The following TRABD2B variants were observed in gnomAD, a reference collection of about 807,000 sequenced individuals.
TRABD2B encodes metalloprotease TIKI2.
A neutral mutation model predicts 40.1 loss-of-function variants in TRABD2B; 14 were observed. The observed-to-expected ratio is 0.35, with a 90% confidence interval of 0.23 to 0.55. The LOEUF (loss-of-function observed/expected upper bound fraction) is 0.55, where lower values mean the gene tolerates loss of function less well. Ranked by LOEUF, TRABD2B falls within the 20% of genes least tolerant of loss-of-function variation. TRABD2B has a pLI of 0.90. For synonymous variants in TRABD2B, 263 were observed against 277.0 expected, an observed-to-expected ratio of 0.95 and a Z score of 0.50; for missense variants, 541 against 648.6, an observed-to-expected ratio of 0.83 and a Z score of 1.80.
At chr1:47,959,589 T>C (rs1250639938) in intron 2 of TRABD2B, among the ~76,000 whole-genome samples, 3 of 152,134 alleles carry the variant, frequency 2.0e-5, no homozygotes, top group African/African-American at 7.2e-5. Context: ...AATACCTCTA[T>C]GCAAATAAAC....
intron 2 of TRABD2B, among the ~76,000 whole-genome samples, chr1:47,824,912 C>A (rs185657834): frequency 1.3e-5 from 2 of 152,188 alleles, no homozygotes; most frequent in Non-Finnish European, 2.9e-5. Flanking sequence ...CATATTCACA[C>A]GGCTGCCCAC....
intron 2 of TRABD2B, among the ~76,000 whole-genome samples, chr1:47,914,193 C>T (rs571900425): frequency 6.6e-6 from 1 of 152,384 alleles, no homozygotes; most frequent in Admixed American, 6.5e-5. Context: ...TCGTGAGCCC[C>T]AGTCCCAAAG....
At chr1:47,773,520 A>T (rs6664448) in intron 6 of TRABD2B, among the ~76,000 whole-genome samples, 9 of 152,264 alleles carry the variant, frequency 5.9e-5, no homozygotes, top group African/African-American at 1.7e-4. Context: ...GCGGTTTCCC[A>T]CGTACTATTC....
intron 2 of TRABD2B, among the ~76,000 whole-genome samples, chr1:47,893,696 G>C (rs1489053561): frequency 6.6e-6 from 1 of 152,156 alleles, no homozygotes; most frequent in African/African-American, 2.4e-5. Flanking sequence ...TGCTGTTGTT[G>C]ATTAAATGCA....
At chr1:47,853,941 A>C (rs1276409449) in intron 2 of TRABD2B, among the ~76,000 whole-genome samples, 3 of 152,214 alleles carry the variant, frequency 2.0e-5, no homozygotes, top group African/African-American at 7.2e-5. Context: ...CACTGCCTGC[A>C]GCAGCAAGCA....
intron 2 of TRABD2B, among the ~76,000 whole-genome samples, chr1:47,968,703 C>T (rs1372978688): frequency 2.0e-5 from 3 of 152,228 alleles, no homozygotes; most frequent in Admixed American, 6.5e-5. Flanking sequence ...CTGGGGTGGG[C>T]GTGGCACTTC....
At position 47,916,090 on chromosome 1, in the gene TRABD2B, G is replaced by A. The variant is rs191155939; in HGVS notation, c.666+77944C>T. Among the ~76,000 whole-genome samples, 14 of 150,172 alleles carry A rather than the reference G, an allele frequency of 9.3e-5. No homozygotes were observed. In the East Asian group the frequency reaches 2.6e-3, roughly 28 times the overall value. ...CCTAAAGGGGACAAGAGAGGGGAAG[G>A]CACCTCTGGAGCAGCAGTGGACAAT... On this transcript the variant is annotated intron_variant, in intron 2 of 6. Transcript: ENST00000606738.
chr1:47,987,953 C>T (rs1645944574), intron 2 of TRABD2B, among the ~76,000 whole-genome samples: 1 of 152,186 alleles, frequency 6.6e-6, no homozygotes, highest in Non-Finnish European at 1.5e-5. Context: ...GGGGCTCTCC[C>T]TCCATGGTTG....
intron 2 of TRABD2B, among the ~76,000 whole-genome samples, chr1:47,960,908 A>G (rs896900983): frequency 2.0e-5 from 3 of 152,144 alleles, no homozygotes; most frequent in Non-Finnish European, 4.4e-5. Flanking sequence ...TGCCAAGTCA[A>G]TCCTGAGCCA....
Position 47,801,505 on chromosome 1 carries a change from T to G in TRABD2B, c.781A>C (p.Ser261Arg), listed in dbSNP as rs1169927382. ...LIKHYNCGDL[S>R]AVIFNHDTSQ... ...GTGTCGTGGTTGAAGATGACTGCGC[T>G]GAGGTCTCCGCAGTTGTAGTGCTTG... Residue 261 changes from serine (S) to arginine (R), a missense_variant, in exon 3 of 7, where the codon AGC becomes CGC. By Grantham distance (110) the Ser-to-Arg change is moderately radical. Coordinates refer to ENST00000606738, the MANE Select transcript of TRABD2B (RefSeq NM_001194986.2). 1.3e-6 allele frequency: 2 copies of G among 1,536,086 alleles called. No individual in the cohort carries two copies. Among genetic ancestry groups the G allele is most frequent in the Admixed American group, 2.0e-5 (1 of 50,994 alleles).
intron 2 of TRABD2B, among the ~76,000 whole-genome samples, chr1:47,850,244 G>C (rs965507888): frequency 6.6e-6 from 1 of 152,330 alleles, no homozygotes; most frequent in East Asian, 1.9e-4. Flanking sequence ...GCAAAGGCCT[G>C]AACACAGAGT....
intron 2 of TRABD2B, among the ~76,000 whole-genome samples, chr1:47,966,816 G>A (rs1346926157): frequency 1.3e-5 from 2 of 151,682 alleles, no homozygotes; most frequent in African/African-American, 4.8e-5. Context: ...GATGCAGTAG[G>A]ATCGCTTGAA....
intron 2 of TRABD2B, among the ~76,000 whole-genome samples, chr1:47,866,165 G>A (rs1644054416): frequency 6.6e-6 from 1 of 151,792 alleles, no homozygotes; most frequent in Admixed American, 6.6e-5. Flanking sequence ...AGTCTGGAAG[G>A]AAATCAGCCT....
intron 2 of TRABD2B, among the ~76,000 whole-genome samples, chr1:47,809,041 C>G (rs1644928260): frequency 6.6e-6 from 1 of 152,148 alleles, no homozygotes; most frequent in Non-Finnish European, 1.5e-5. Flanking sequence ...CTGACGAAAC[C>G]TTGCTCCCTG....
Position 47,994,493 on chromosome 1 carries a change from C to T in TRABD2B, c.207G>A (p.Pro69=), listed in dbSNP as rs1405159912. 1.7e-5 allele frequency: 26 copies of T among 1,536,018 alleles called. No homozygotes were observed. The highest frequency in any genetic ancestry group is 1.2e-4 in the Admixed American group (6 of 50,982). The change falls in exon 2 of 7, where the codon CCG becomes CCA. Residue 69 remains proline (P), a synonymous_variant. Transcript: ENST00000606738. The surrounding 1 kb of genome is among the most constrained non-coding windows in gnomAD (Gnocchi z 6.7). ...VPYTRVWDFI[P]DNSKAAFQAS... is the part of the protein sequence containing the mutation. ...CCTGGAAGGCTGCCTTGGAGTTGTCCGGGATGAAGTCCCAGACGCGGGTGT... is the reference window on the plus strand; with the variant it reads ...CCTGGAAGGCTGCCTTGGAGTTGTCTGGGATGAAGTCCCAGACGCGGGTGT...
intron 2 of TRABD2B, among the ~76,000 whole-genome samples, chr1:47,921,153 C>G (rs1327394095): frequency 1.3e-5 from 2 of 152,210 alleles, no homozygotes; most frequent in Non-Finnish European, 2.9e-5. Flanking sequence ...AAACCTTTCC[C>G]TGCCACATCT....
intron 2 of TRABD2B, chr1:47,819,431 C>T (rs991342269): frequency 6.6e-5 from 10 of 152,234 alleles, no homozygotes; most frequent in Admixed American, 1.3e-4. Context: ...AAACCGAAGC[C>T]GCCTGAGGTC....
intron 2 of TRABD2B, among the ~76,000 whole-genome samples, chr1:47,940,023 C>T (rs1240011690): frequency 6.6e-6 from 1 of 152,192 alleles, no homozygotes; most frequent in Non-Finnish European, 1.5e-5. Context: ...TGGCTCCAAC[C>T]GAATTTCCTA....
intron 2 of TRABD2B, among the ~76,000 whole-genome samples, chr1:47,955,514 T>A (rs1645406856): frequency 6.6e-6 from 1 of 152,184 alleles, no homozygotes; most frequent in Admixed American, 6.5e-5. Flanking sequence ...CTCAGTCTGA[T>A]CTCAGGCTTC....
Sources: gnomAD v4.1 joint callset for allele counts (sites outside exome capture counted in the v4.1 genomes callset) on GRCh38, gnomAD v4.1.1 for gene constraint, Gnocchi (gnomAD v3.1) non-coding constraint, MANE v1.5 for transcripts, NCBI Gene and HGNC (gene_info 2026-07-23, HGNC 2026-07-21) for gene names.